Variants in HMGCLL1 observed in about 807,000 individuals in gnomAD.
HMGCLL1 encodes 3-hydroxymethyl-3-methylglutaryl-CoA lyase, cytoplasmic.
In HMGCLL1, 36 loss-of-function variants were observed where a neutral mutation model predicts 39.1. The ratio of observed to expected loss-of-function variants is 0.92; its 90% CI spans 0.71 to 1.22. HMGCLL1 has a LOEUF of 1.22. Among genes scored for constraint, HMGCLL1 ranks in the 50% most tolerant of loss-of-function variants. The pLI is 0.00. For synonymous variants in HMGCLL1, 149 were observed against 144.0 expected, an observed-to-expected ratio of 1.03 and a Z score of -0.25; for missense variants, 451 against 416.5, an observed-to-expected ratio of 1.08 and a Z score of -0.72.
At chr6:55,473,908 C>T (rs2127405467) in intron 7 of HMGCLL1, among the ~76,000 whole-genome samples, 1 of 151,560 alleles carries the variant, frequency 6.6e-6, no homozygotes, top group East Asian at 1.9e-4. Context: ...TGGGTTTTTA[C>T]TTTCAGTACT....
At chr6:55,451,079 A>C (rs1208559461) in intron 7 of HMGCLL1, among the ~76,000 whole-genome samples, 1 of 152,150 alleles carries the variant, frequency 6.6e-6, no homozygotes, top group African/African-American at 2.4e-5. Context: ...GTGTGTGCAC[A>C]AAGAGAAGGG....
intron 6 of HMGCLL1, among the ~76,000 whole-genome samples, chr6:55,497,930 C>A (rs1194825787): frequency 6.6e-6 from 1 of 152,060 alleles, no homozygotes; most frequent in Non-Finnish European, 1.5e-5. Context: ...GGGGAAGGAC[C>A]AGAGGCCTGA....
chr6:55,561,386 G>C (rs1770937509), intron 1 of HMGCLL1, among the ~76,000 whole-genome samples: 1 of 152,002 alleles, frequency 6.6e-6, no homozygotes, highest in African/African-American at 2.4e-5. Flanking sequence ...CCAGCTGTTT[G>C]CTATATAGAT....
chr6:55,544,328 T>C (rs970367791), intron 1 of HMGCLL1, among the ~76,000 whole-genome samples: 6 of 151,998 alleles, frequency 3.9e-5, no homozygotes, highest in Non-Finnish European at 7.4e-5. Flanking sequence ...GCCTTTGAAA[T>C]AGTATATTGC....
At chr6:55,471,283 T>G (rs1016421933) in intron 7 of HMGCLL1, among the ~76,000 whole-genome samples, 2 of 150,964 alleles carry the variant, frequency 1.3e-5, no homozygotes, top group Non-Finnish European at 2.9e-5. Flanking sequence ...GACTAGATGA[T>G]TTTCATTTGT....
intron 3 of HMGCLL1, among the ~76,000 whole-genome samples, chr6:55,534,859 C>A (rs1213169141): frequency 6.6e-6 from 1 of 152,210 alleles, no homozygotes; most frequent in Admixed American, 6.5e-5. Context: ...GGATATGTAG[C>A]AATTACATAT....
chr6:55,617,208 C>CA, the HMGCLL1 span, among the ~76,000 whole-genome samples: 1 of 152,018 alleles, frequency 6.6e-6, no homozygotes, highest in East Asian at 1.9e-4. Flanking sequence ...CTCATGATGT[C>CA]CTGTCTTGCT....
At chr6:55,647,445 T>A in the HMGCLL1 span, among the ~76,000 whole-genome samples, 1 of 152,000 alleles carries the variant, frequency 6.6e-6, no homozygotes, top group African/African-American at 2.4e-5. Flanking sequence ...ATTATTTGCT[T>A]TCTGGTTGTT....
At chr6:55,486,045 C>G (rs1561911111) in intron 7 of HMGCLL1, among the ~76,000 whole-genome samples, 1 of 150,238 alleles carries the variant, frequency 6.7e-6, no homozygotes, top group African/African-American at 2.4e-5. Flanking sequence ...AACATACACA[C>G]AAGTTAAGGG....
the HMGCLL1 span, among the ~76,000 whole-genome samples, chr6:55,650,130 TATATACACAC>T: frequency 5.5e-4 from 28 of 51,028 alleles, no homozygotes; most frequent in East Asian, 3.5e-3. Flanking sequence ...TATATATATA[TATATACACAC>T]ACACACACAT....
chr6:55,551,054 A>T (rs1305280594), intron 1 of HMGCLL1, among the ~76,000 whole-genome samples: 1 of 151,638 alleles, frequency 6.6e-6, no homozygotes, highest in Non-Finnish European at 1.5e-5. Context: ...CAAAAAAAAA[A>T]AAATAAACCA....
chr6:55,506,449 T>C (rs540292080), intron 5 of HMGCLL1, among the ~76,000 whole-genome samples: 21 of 151,654 alleles, frequency 1.4e-4, no homozygotes, highest in Non-Finnish European at 7.4e-5. Flanking sequence ...CCTTCCCTTA[T>C]CTAAGGTTTT....
At chr6:55,520,902 T>C (rs1455294643) in intron 3 of HMGCLL1, among the ~76,000 whole-genome samples, 1 of 151,504 alleles carries the variant, frequency 6.6e-6, no homozygotes, top group Non-Finnish European at 1.5e-5. Flanking sequence ...AGGCCTACCA[T>C]GGTTAAGAAT....
At chr6:55,491,560 A>T (rs1161154408) in intron 7 of HMGCLL1, among the ~76,000 whole-genome samples, 2 of 152,172 alleles carry the variant, frequency 1.3e-5, no homozygotes, top group East Asian at 3.8e-4. Context: ...CTACCAATCA[A>T]TGTGTAGCTG....
intron 7 of HMGCLL1, among the ~76,000 whole-genome samples, chr6:55,476,027 T>G (rs1462687032): frequency 6.6e-6 from 1 of 151,702 alleles, no homozygotes; most frequent in Non-Finnish European, 1.5e-5. Context: ...GTTCTTCAGA[T>G]TTGAAATTCC....
chr6:55,628,125 A>AT, the HMGCLL1 span, among the ~76,000 whole-genome samples: 1 of 1,026 alleles, frequency 9.7e-4, no homozygotes, highest in African/African-American at 3.0e-3. Context: ...ATATAAAATA[A>AT]ATATATATAG....
the HMGCLL1 span, among the ~76,000 whole-genome samples, chr6:55,627,336 T>A: frequency 6.6e-6 from 1 of 152,242 alleles, no homozygotes; most frequent in East Asian, 1.9e-4. Flanking sequence ...TTAAGTATGG[T>A]TGACTTATGT....
chr6:55,487,542 T>C (rs1057425188), intron 7 of HMGCLL1, among the ~76,000 whole-genome samples: 3 of 151,974 alleles, frequency 2.0e-5, no homozygotes, highest in African/African-American at 7.2e-5. Flanking sequence ...TGAGAACATG[T>C]GGTGTTTGGT....
the HMGCLL1 span, among the ~76,000 whole-genome samples, chr6:55,656,594 C>G: frequency 6.6e-6 from 1 of 151,924 alleles, no homozygotes; most frequent in African/African-American, 2.4e-5. Context: ...CTCGGAGTCT[C>G]TGTAGGGTAG....
Sources: gnomAD v4.1 joint callset for allele counts (sites outside exome capture counted in the v4.1 genomes callset) on GRCh38, gnomAD v4.1.1 for gene constraint, MANE v1.5 for transcripts, NCBI Gene and HGNC (gene_info 2026-07-23, HGNC 2026-07-21) for gene names.